The following TMEM123 variants were observed in gnomAD, a reference collection of about 807,000 sequenced individuals.
The protein encoded by TMEM123 is porimin.
TMEM123 carries 16 observed loss-of-function variants against 19.7 expected under a neutral mutation model. The observed-to-expected ratio is 0.81, with a 90% CI of 0.55 to 1.23. TMEM123 has a LOEUF of 1.23. TMEM123 is among the 50% of genes most tolerant of loss of function. The probability of loss-of-function intolerance (pLI) is 0.00; values close to 1 mark genes in which losing one functional copy is unlikely to be tolerated. For missense variants in TMEM123, 313 were observed against 257.8 expected (o/e 1.21, Z -1.47); for synonymous variants, 118 against 99.4 (o/e 1.19, Z -1.12).
rs1426946194 is a variant in TMEM123 at position 102,398,470 on chromosome 11, CAA to C, written c.*395_*396del. On this transcript the variant is annotated 3_prime_UTR_variant, in exon 5 of 5. Coordinates refer to ENST00000398136, the MANE Select transcript of TMEM123 (RefSeq NM_052932.3). Reference sequence around the variant, plus strand: ...GCACTGAAGTTCTTTATGTGAGCTACAAAAGATACCCAAAATCCTGAGTGCTG... The same window carrying C: ...GCACTGAAGTTCTTTATGTGAGCTACAAGATACCCAAAATCCTGAGTGCTG... The C allele has an allele frequency of 4.2e-5, 17 of 406,868 alleles. No homozygotes were observed. Among genetic ancestry groups the C allele is most frequent in the Non-Finnish European group, 1.3e-5 (3 of 232,204 alleles). 25.2% of individuals were successfully genotyped at this position (406,868 alleles called of 1,614,324 possible).
At chr11:102,424,448 G>A (rs746840665) in intron 2 of TMEM123, among the ~76,000 whole-genome samples, 1 of 152,170 alleles carries the variant, frequency 6.6e-6, no homozygotes, top group African/African-American at 2.4e-5. Flanking sequence ...CACTTTGGGA[G>A]GCTAAGGCAG....
intron 2 of TMEM123, among the ~76,000 whole-genome samples, chr11:102,427,060 T>C (rs1952134748): frequency 6.6e-6 from 1 of 151,552 alleles, no homozygotes; most frequent in Admixed American, 6.6e-5. Flanking sequence ...GGTTTTTTGT[T>C]TTGCGGGTTT....
At chr11:102,441,072 C>T (rs552620400) in intron 2 of TMEM123, among the ~76,000 whole-genome samples, 9 of 152,222 alleles carry the variant, frequency 5.9e-5, no homozygotes, top group East Asian at 1.9e-4. Context: ...CAAAGAGACT[C>T]AGACTCCCAC....
At chr11:102,436,243 G>C (rs1441182089) in intron 2 of TMEM123, among the ~76,000 whole-genome samples, 1 of 151,942 alleles carries the variant, frequency 6.6e-6, no homozygotes, top group Non-Finnish European at 1.5e-5. Flanking sequence ...GCTCAGTGCA[G>C]CTTACACCTC....
intron 2 of TMEM123, among the ~76,000 whole-genome samples, chr11:102,418,743 G>A (rs962270534): frequency 1.3e-5 from 2 of 152,234 alleles, no homozygotes; most frequent in South Asian, 2.1e-4. Context: ...GCAAAGACAT[G>A]GAATCAACCT....
At position 102,402,022 on chromosome 11, in the gene TMEM123, A is replaced by G; in HGVS notation, c.342T>C (p.Ser114=). ...GTGAAACACTTGTTGTTTTGGGTGT[A>G]GACTTTAAGGTGGTAGAAGTCATAT... ...STNMTSTTLK[S]TPKTTSVSQN... is the part of the protein sequence containing the mutation. Residue 114 remains serine (S), a synonymous_variant, in exon 3 of 5, where the codon TCT becomes TCC. Transcript: ENST00000398136. 1 of 1,614,174 alleles carries G rather than the reference A, an allele frequency of 6.2e-7. No homozygotes were observed. Among genetic ancestry groups the G allele is most frequent in the South Asian group, 1.1e-5 (1 of 91,082 alleles).
chr11:102,406,018 A>G (rs1427727852), intron 2 of TMEM123, among the ~76,000 whole-genome samples: 2 of 152,182 alleles, frequency 1.3e-5, no homozygotes, highest in Non-Finnish European at 2.9e-5. Context: ...TCTGCAAATG[A>G]TACCATCCCA....
intron 2 of TMEM123, among the ~76,000 whole-genome samples, chr11:102,434,149 T>G (rs1328576146): frequency 6.6e-6 from 1 of 151,932 alleles, no homozygotes; most frequent in Non-Finnish European, 1.5e-5. Flanking sequence ...CTATTTTTAA[T>G]TTTTTGAGGA....
intron 2 of TMEM123, among the ~76,000 whole-genome samples, chr11:102,411,365 C>G (rs1952003328): frequency 6.6e-6 from 1 of 152,178 alleles, no homozygotes; most frequent in Non-Finnish European, 1.5e-5. Context: ...CTTACCCTAA[C>G]CATCTCTTCC....
chr11:102,429,245 A>C (rs1952155378), intron 2 of TMEM123, among the ~76,000 whole-genome samples: 1 of 152,080 alleles, frequency 6.6e-6, no homozygotes, highest in Non-Finnish European at 1.5e-5. Context: ...TGTTTATCTA[A>C]GTTAGTTATA....
chr11:102,415,794 G>C (rs1047752578), intron 2 of TMEM123, among the ~76,000 whole-genome samples: 1 of 152,060 alleles, frequency 6.6e-6, no homozygotes, highest in Non-Finnish European at 1.5e-5. Context: ...ACCAACCCCA[G>C]TCCTAGCAGA....
chr11:102,437,668 T>C (rs954349306), intron 2 of TMEM123, among the ~76,000 whole-genome samples: 7 of 152,062 alleles, frequency 4.6e-5, no homozygotes, highest in South Asian at 2.1e-4. Context: ...GTCTTGAGAG[T>C]ACAGGGTGTA....
Position 102,448,856 on chromosome 11 carries a change from A to C in TMEM123, c.113T>G (p.Ile38Arg), listed in dbSNP as rs773768232. Residue 38 changes from isoleucine (I) to arginine (R), a missense_variant, in exon 2 of 5, where the codon ATA (isoleucine) becomes AGA (arginine). Physicochemically the swap from Ile to Arg is moderately conservative, Grantham distance 97. Coordinates refer to ENST00000398136, the MANE Select transcript of TMEM123 (RefSeq NM_052932.3). Reference protein sequence around the residue: ...ESAAMAASANIENSGLPHNSS... With the variant: ...ESAAMAASANRENSGLPHNSS... Reference sequence around the variant, plus strand: ...GTTGTGTGGAAGCCCAGAATTCTCTATGTTTGCAGATGCTGTAAAAATAAA... The same window carrying C: ...GTTGTGTGGAAGCCCAGAATTCTCTCTGTTTGCAGATGCTGTAAAAATAAA... The C allele has an allele frequency of 1.1e-5, 17 of 1,613,600 alleles. No homozygotes were observed. Among genetic ancestry groups the C allele is most frequent in the Middle Eastern group, 1.7e-4 (1 of 6,040 alleles).
At chr11:102,441,026 G>C (rs1857820464) in intron 2 of TMEM123, among the ~76,000 whole-genome samples, 1 of 152,152 alleles carries the variant, frequency 6.6e-6, no homozygotes, top group Non-Finnish European at 1.5e-5. Flanking sequence ...CAATACAGGA[G>C]CACCCAGATC....
Position 102,452,585 on chromosome 11 carries a change from G to C in TMEM123, c.39C>G (p.Leu13=). ...LGARGAWAAL[L]LGTLQVLALL... is the part of the protein sequence containing the mutation. ...GCGCTAGCACCTGCAGCGTCCCCAGGAGCAGCGCGGCCCAAGCACCTCGCG... is the reference window on the plus strand; with the variant it reads ...GCGCTAGCACCTGCAGCGTCCCCAGCAGCAGCGCGGCCCAAGCACCTCGCG... The change falls in exon 1 of 5, where the codon CTC becomes CTG. Residue 13 remains leucine (L), a synonymous_variant. Coordinates refer to ENST00000398136, the MANE Select transcript of TMEM123 (RefSeq NM_052932.3). The C allele has an allele frequency of 6.4e-7, 1 of 1,571,244 alleles. No homozygotes were observed. The highest frequency in any genetic ancestry group is 8.6e-7 in the Non-Finnish European group (1 of 1,162,750).
intron 4 of TMEM123, among the ~76,000 whole-genome samples, chr11:102,400,501 A>G (rs1169461947): frequency 1.3e-5 from 2 of 152,252 alleles, no homozygotes; most frequent in Non-Finnish European, 2.9e-5. Flanking sequence ...GTTAACCCAC[A>G]GGGCAAATTT....
At chr11:102,425,818 G>C (rs1952122222) in intron 2 of TMEM123, among the ~76,000 whole-genome samples, 1 of 151,900 alleles carries the variant, frequency 6.6e-6, no homozygotes, top group Non-Finnish European at 1.5e-5. Context: ...CTGGAGTCAA[G>C]CAATCTGCCT....
In TMEM123 at chr11:102,396,669, C is replaced by A. The variant is rs1416437118; in HGVS notation, c.*2198G>T. 1 of 151,972 alleles carries A rather than the reference C, an allele frequency of 6.6e-6. No individual in the cohort carries two copies. The highest frequency in any genetic ancestry group is 1.5e-5 in the Non-Finnish European group (1 of 67,990). 9.4% of individuals were successfully genotyped at this position (151,972 alleles called of 1,614,324 possible). On this transcript the variant is annotated 3_prime_UTR_variant, in exon 5 of 5. Coordinates refer to ENST00000398136, the MANE Select transcript of TMEM123 (RefSeq NM_052932.3). The stretch of plus-strand genomic sequence containing the variant: ...TGGTCCAAAGCAAAATATTTTTTTG[C>A]ATAACCATTTCCCTCAATTTTTATA...
Position 102,398,569 on chromosome 11 carries a change from A to C in TMEM123, c.*298T>G. 2.0e-6 allele frequency: 1 copy of C among 491,780 alleles called. No homozygotes were observed. Among genetic ancestry groups the C allele is most frequent in the East Asian group, 3.5e-5 (1 of 28,980 alleles). The allele number at this position is 491,780 out of a possible 1,614,324, so 30.5% of individuals were successfully genotyped here. A position where few individuals can be genotyped will look rare whatever the true frequency, so the allele number is the denominator to read the frequency against. On this transcript the variant is annotated 3_prime_UTR_variant, in exon 5 of 5. Coordinates refer to ENST00000398136, the MANE Select transcript of TMEM123 (RefSeq NM_052932.3). ...TGATGACGTCTTTCAATTACTGGTC[A>C]TATGTGACCAATGCCCCCACCCCAG...
Sources: allele counts gnomAD v4.1 joint callset (sites outside exome capture counted in the v4.1 genomes callset), GRCh38; gene constraint gnomAD v4.1.1; transcripts MANE v1.5; gene names NCBI Gene and HGNC (gene_info 2026-07-23, HGNC 2026-07-21).